Variants in CHD5 observed in about 807,000 individuals in gnomAD.
The protein encoded by CHD5 is ATP-dependent chromatin remodeler CHD5.
A neutral mutation model predicts 230.3 loss-of-function variants in CHD5; 69 were observed. That is an observed-to-expected ratio of 0.30 (90% confidence interval 0.25 to 0.37). CHD5 has a LOEUF of 0.37. CHD5 is among the 10% of genes least tolerant of loss of function. CHD5 has a pLI of 1.00. For synonymous variants in CHD5, 1,064 were observed against 1,065.9 expected (o/e 1.00, Z 0.03); for missense variants, 1,827 against 2,622.8 (o/e 0.70, Z 6.63).
In CHD5 at chr1:6,134,863, C is replaced by A. The variant is rs1204892995; in HGVS notation, c.2871-4G>T. On this transcript the variant is annotated splice_region_variant and splice_polypyrimidine_tract_variant and intron_variant, in intron 18 of 41. Coordinates refer to ENST00000262450, the MANE Select transcript of CHD5 (RefSeq NM_015557.3). The surrounding 1 kb of genome is among the most constrained non-coding windows in gnomAD (Gnocchi z 6.3). Reference sequence around the variant, plus strand: ...GAGGATGAACTTGTAGTACTTCCTGCAGCAGGGCACGAGGAAAGGCAGGCT... The same window carrying A: ...GAGGATGAACTTGTAGTACTTCCTGAAGCAGGGCACGAGGAAAGGCAGGCT... The A allele has an allele frequency of 6.2e-7, 1 of 1,613,936 alleles. No homozygotes were observed. The highest frequency in any genetic ancestry group is 1.3e-5 in the African/African-American group (1 of 74,916).
intron 9 of CHD5, among the ~76,000 whole-genome samples, chr1:6,148,165 G>GCACA: frequency 6.6e-6 from 1 of 152,328 alleles, no homozygotes; most frequent in South Asian, 2.1e-4. Flanking sequence ...GCTAAAGGAG[G>GCACA]CACAGCCCAG....
chr1:6,110,590 A>G, intron 36 of CHD5, 64 bp from the exon 37 acceptor site: 8 of 1,285,548 alleles, frequency 6.2e-6, no homozygotes, highest in East Asian at 2.8e-5. Context: ...AGGGGGAGGC[A>G]GCTCAGGGAG....
chr1:6,119,759 G>A (rs1376355509), intron 33 of CHD5, among the ~76,000 whole-genome samples: 9 of 149,986 alleles, frequency 6.0e-5, no homozygotes, highest in South Asian at 4.2e-4. Flanking sequence ...ACGTACATAC[G>A]TGCGTACATA....
intron 20 of CHD5, among the ~76,000 whole-genome samples, chr1:6,133,116 T>C (rs1431070935): frequency 1.3e-5 from 2 of 152,204 alleles, no homozygotes; most frequent in African/African-American, 2.4e-5. Context: ...GCATTCACTT[T>C]TGTATGGGTT....
At position 6,110,435 on chromosome 1, in the gene CHD5, A is replaced by G. The variant is rs1360575891; in HGVS notation, c.5341T>C (p.Tyr1781His). 1.9e-6 allele frequency: 3 copies of G among 1,613,988 alleles called. No homozygotes were observed. The highest frequency in any genetic ancestry group is 2.5e-6 in the Non-Finnish European group (3 of 1,180,044). ...PFKSEVHKGN[Y>H]LEMKNKFLAR... ...AGGAACTTGTTCTTCATCTCCAGGT[A>G]GTTGCCCTTGTGGACCTCAGACTTG... Residue 1781 changes from tyrosine to histidine, a missense_variant, in exon 37 of 42, where the codon TAC becomes CAC. Tyr to His is a moderately conservative substitution (Grantham distance 83, BLOSUM62 2). This residue lies in a region of CHD5 where 208 missense variants were observed against 302.0 expected (regional missense o/e 0.69). Transcript: ENST00000262450.
At position 6,128,047 on chromosome 1, in the gene CHD5, A is replaced by G. The variant is rs1666591751; in HGVS notation, c.3902T>C (p.Val1301Ala). Residue 1301 changes from valine (V) to alanine (A), a missense_variant and splice_region_variant, in exon 25 of 42, where the codon GTG becomes GCG. Val to Ala is a moderately conservative substitution (Grantham distance 64, BLOSUM62 0). Around this residue, in one of 14 missense-constraint regions of CHD5, gnomAD observed 137 missense variants for 272.7 expected, o/e 0.50. Coordinates refer to ENST00000262450, the MANE Select transcript of CHD5 (RefSeq NM_015557.3). The surrounding 1 kb of genome is among the most constrained non-coding windows in gnomAD (Gnocchi z 7.8). ...TGGAGGGCGGGCCGGGGACCTTACC[A>G]CGCCGTCCTCCTCGCGCACCACGTA... ...AQYVVREEDG[V>A]EEVEREIIKQ... is the part of the protein sequence containing the mutation. The G allele has an allele frequency of 1.2e-6, 2 of 1,602,738 alleles. No individual in the cohort carries two copies. The highest frequency in any genetic ancestry group is 1.7e-6 in the Non-Finnish European group (2 of 1,175,332).
intron 1 of CHD5, among the ~76,000 whole-genome samples, chr1:6,177,796 ATGGAGCG>A (rs996812344): frequency 6.6e-6 from 1 of 152,182 alleles, no homozygotes; most frequent in African/African-American, 2.4e-5. Context: ...CCATGGCAGG[ATGGAGCG>A]TGGAGCGTGG....
At chr1:6,110,595 A>C in intron 36 of CHD5, 69 bp from the exon 37 acceptor site, 87 of 569,650 alleles carry the variant, frequency 1.5e-4, no homozygotes, top group Non-Finnish European at 2.2e-4. Flanking sequence ...GAGGCAGCTC[A>C]GGGAGGGGGA....
At chr1:6,148,493 C>A (rs918105895) in intron 9 of CHD5, among the ~76,000 whole-genome samples, 2 of 152,318 alleles carry the variant, frequency 1.3e-5, no homozygotes, top group Non-Finnish European at 2.9e-5. Context: ...AAGGGAGTAA[C>A]ATGCCTGGTG....
chr1:6,129,817 A>C lies in CHD5; in HGVS notation c.3387+387T>G, dbSNP rs1341267673. ...CTCCCCTCCACCTCCAACAGGCCCC[A>C]CTCTCTGCTCCCCACCCCCTTCAAA... On this transcript the variant is annotated intron_variant, in intron 22 of 41. Transcript: ENST00000262450. This position sits in a 1 kb window ranked among gnomAD's most constrained non-coding sequence, Gnocchi z 6.8. Among the ~76,000 whole-genome samples the C allele has an allele frequency of 2.2e-5, 3 of 138,006 alleles. No individual in the cohort carries two copies. The highest frequency in any genetic ancestry group is 3.1e-5 in the Non-Finnish European group (2 of 63,618). The allele number at this position is 138,006 out of a possible 152,430, so 90.5% of individuals were successfully genotyped here.
intron 1 of CHD5, among the ~76,000 whole-genome samples, chr1:6,177,011 C>T (rs757873262): frequency 1.3e-5 from 2 of 152,202 alleles, no homozygotes; most frequent in Admixed American, 6.5e-5. Flanking sequence ...GGGCAAACCT[C>T]CCCCTCCCCA....
intron 11 of CHD5, 47 bp from the exon 12 acceptor site, chr1:6,144,202 G>GTC: frequency 6.2e-7 from 1 of 1,609,756 alleles, no homozygotes. Context: ...AGTGGCCACA[G>GTC]CACAGGTTTG....
rs1422068964 is a variant in CHD5 at position 6,121,505 on chromosome 1, G to A, written c.4768C>T (p.Leu1590=). ...DPGAQKPRQP[L]EVQALPAALD... ...AGCAAGTTCCACACCTGGACTTCCA[G>A]GGGCTGCCTTGGCTTCTGTGCCCCG... Residue 1590 remains leucine, a synonymous_variant, in exon 32 of 42, where the codon CTG becomes TTG. Coordinates refer to ENST00000262450, the MANE Select transcript of CHD5 (RefSeq NM_015557.3). This position sits in a 1 kb window ranked among gnomAD's most constrained non-coding sequence, Gnocchi z 4.5. 1.2e-6 allele frequency: 2 copies of A among 1,612,254 alleles called. No individual in the cohort carries two copies. Among genetic ancestry groups the A allele is most frequent in the South Asian group, 2.2e-5 (2 of 90,552 alleles).
At chr1:6,166,483 G>C (rs1571171273) in intron 2 of CHD5, among the ~76,000 whole-genome samples, 2 of 152,122 alleles carry the variant, frequency 1.3e-5, no homozygotes, top group Non-Finnish European at 2.9e-5. Context: ...AGAGCACCGG[G>C]GCGGTACACA....
At chr1:6,106,109 G>A (rs912757971) in intron 41 of CHD5, 125 bp downstream of exon 41, 15 of 897,932 alleles carry the variant, frequency 1.7e-5, no homozygotes, top group Middle Eastern at 5.3e-4. Context: ...CAAAGCCGCC[G>A]GAGGCAGTAA....
At chr1:6,127,811 G>T (rs1666584582) in intron 25 of CHD5, among the ~76,000 whole-genome samples, 1 of 152,234 alleles carries the variant, frequency 6.6e-6, no homozygotes, top group Non-Finnish European at 1.5e-5. Flanking sequence ...GAGCCCGCGG[G>T]TGGAGCGACA....
chr1:6,169,623 G>A (rs1395134149), intron 1 of CHD5, among the ~76,000 whole-genome samples: 1 of 152,184 alleles, frequency 6.6e-6, no homozygotes, highest in African/African-American at 2.4e-5. Context: ...TGTGGGGAGG[G>A]TCCTCTTGGC....
intron 33 of CHD5, among the ~76,000 whole-genome samples, chr1:6,114,524 T>A (rs1416756309): frequency 7.1e-6 from 1 of 140,498 alleles, no homozygotes; most frequent in Non-Finnish European, 1.6e-5. Flanking sequence ...ACACACACAT[T>A]TTTTTGTGAT....
intron 17 of CHD5, among the ~76,000 whole-genome samples, chr1:6,135,678 T>A: frequency 6.6e-6 from 1 of 152,210 alleles, no homozygotes; most frequent in East Asian, 1.9e-4. Flanking sequence ...CTGACTCTGA[T>A]GAGTGCCCGA....
Sources: allele counts gnomAD v4.1 joint callset (sites outside exome capture counted in the v4.1 genomes callset), GRCh38; gene constraint gnomAD v4.1.1; regional missense constraint gnomAD v4.1.1; non-coding constraint Gnocchi (gnomAD v3.1); transcripts MANE v1.5; gene names NCBI Gene and HGNC (gene_info 2026-07-23, HGNC 2026-07-21).